The following PCDHA6 variants were observed in gnomAD, a reference collection of about 807,000 sequenced individuals.
PCDHA6 encodes the protein protocadherin alpha-6.
Under a neutral mutation model 60.3 loss-of-function variants are expected in PCDHA6, and 55 were observed. The ratio of observed to expected loss-of-function variants is 0.91; its 90% confidence interval spans 0.73 to 1.14. The LOEUF (loss-of-function observed/expected upper bound fraction) is 1.14. PCDHA6 is among the 50% of genes most tolerant of loss of function. The pLI is 0.00. For missense variants in PCDHA6, 1,327 were observed against 1,256.5 expected (o/e 1.06, Z -0.85); for synonymous variants, 652 against 557.9 (o/e 1.17, Z -2.38).
intron 1 of PCDHA6, chr5:140,843,329 G>T: frequency 6.3e-7 from 1 of 1,596,060 alleles, no homozygotes; most frequent in Non-Finnish European, 8.6e-7. Context: ...GGTGTCGCTG[G>T]TGGAGAGCGG....
chr5:140,967,935 A>G (rs186453952), intron 1 of PCDHA6: 13 of 1,614,214 alleles, frequency 8.1e-6, no homozygotes, highest in South Asian at 4.4e-5. Flanking sequence ...CTCAGTGTCA[A>G]TGACCAAGAC....
intron 1 of PCDHA6, chr5:140,966,947 G>A (rs782439197): frequency 6.2e-7 from 1 of 1,603,520 alleles, no homozygotes; most frequent in Middle Eastern, 1.7e-4. Context: ...CGTGGGCAAC[G>A]TGGCTCGCGC....
intron 1 of PCDHA6, chr5:140,842,474 G>C: frequency 6.2e-7 from 1 of 1,613,946 alleles, no homozygotes; most frequent in Middle Eastern, 1.6e-4. Flanking sequence ...CAACGGGCAG[G>C]TGACCTGCTC....
chr5:140,901,270 C>T (rs2068553355), intron 1 of PCDHA6, among the ~76,000 whole-genome samples: 2 of 152,246 alleles, frequency 1.3e-5, no homozygotes, highest in South Asian at 4.1e-4. Flanking sequence ...TGGGGTATTA[C>T]TCAAGAAATT....
intron 1 of PCDHA6, chr5:140,836,533 T>A (rs1554136046): frequency 6.2e-7 from 1 of 1,613,734 alleles, no homozygotes; most frequent in Non-Finnish European, 8.5e-7. Flanking sequence ...ACCCTGCTGC[T>A]GTACACGGCG....
In PCDHA6 at chr5:140,996,798, A is replaced by G. The variant is rs528740592; in HGVS notation, c.2543-12829A>G. Among the ~76,000 whole-genome samples, 4 of 152,268 alleles carry G rather than the reference A, an allele frequency of 2.6e-5. No individual in the cohort carries two copies. In the East Asian group the frequency reaches 5.8e-4, roughly 22 times the overall value. ...AGTAGTGCCTCACTCCCTACATCCA[A>G]TCATGCTTTCCAAAAGTAACCACTA... On this transcript the variant is annotated intron_variant, in intron 3 of 3. Coordinates refer to ENST00000529310, the MANE Select transcript of PCDHA6 (RefSeq NM_018909.4).
chr5:141,008,299 C>G (rs1223779122), intron 3 of PCDHA6, among the ~76,000 whole-genome samples: 9 of 152,238 alleles, frequency 5.9e-5, no homozygotes, highest in Non-Finnish European at 1.2e-4. Context: ...TGTACCCAAC[C>G]CTAAACTGTA....
At chr5:140,857,569 G>T (rs1554150250) in intron 1 of PCDHA6, 3 of 1,596,900 alleles carry the variant, frequency 1.9e-6, no homozygotes, top group South Asian at 1.1e-5. Context: ...CGAGCTACGT[G>T]TCGGTGCACG....
At chr5:140,857,006 G>A (rs1365266931) in intron 1 of PCDHA6, 2 of 1,595,206 alleles carry the variant, frequency 1.3e-6, no homozygotes, top group East Asian at 2.2e-5. Flanking sequence ...AATTCATGTA[G>A]ATGTTACAGA....
intron 1 of PCDHA6, chr5:140,851,862 A>G: frequency 2.0e-6 from 2 of 976,238 alleles, no homozygotes; most frequent in Non-Finnish European, 2.5e-6. Context: ...CAGCTCATAC[A>G]TAACACAAGG....
At position 141,010,305 on chromosome 5, in the gene PCDHA6, G is replaced by GT; in HGVS notation, c.*372dup. 1 of 1,548,478 alleles carries GT rather than the reference G, an allele frequency of 6.5e-7. No homozygotes were observed. Among genetic ancestry groups the GT allele is most frequent in the Non-Finnish European group, 8.7e-7 (1 of 1,146,036 alleles). On this transcript the variant is annotated 3_prime_UTR_variant, in exon 4 of 4. Transcript: ENST00000529310. ...TGACACTTGCAGGGCAGGCTGAAAAGTTTTGAGATTGAGCAGCTTGGGAGT... is the reference window on the plus strand; with the variant it reads ...TGACACTTGCAGGGCAGGCTGAAAAGTTTTTGAGATTGAGCAGCTTGGGAGT...
intron 1 of PCDHA6, among the ~76,000 whole-genome samples, chr5:140,840,207 TA>T (rs1477576699): frequency 3.9e-5 from 6 of 151,970 alleles, no homozygotes; most frequent in African/African-American, 1.2e-4. Flanking sequence ...AAAGAAGTCA[TA>T]AAAATACATA....
chr5:140,976,486 G>C (rs782708902), intron 1 of PCDHA6, among the ~76,000 whole-genome samples: 1 of 152,078 alleles, frequency 6.6e-6, no homozygotes, highest in Non-Finnish European at 1.5e-5. Flanking sequence ...GGGAGGCAGA[G>C]GTTGCAGGGA....
rs2150165566 is a variant in PCDHA6 at position 140,829,300 on chromosome 5, T to C, written c.1209T>C (p.Asn403=). The C allele has an allele frequency of 6.2e-7, 1 of 1,614,244 alleles. No homozygotes were observed. The highest frequency in any genetic ancestry group is 8.5e-7 in the Non-Finnish European group (1 of 1,180,034). The change falls in exon 1 of 4, where the codon AAT becomes AAC. Residue 403 remains asparagine, a synonymous_variant. Coordinates refer to ENST00000529310, the MANE Select transcript of PCDHA6 (RefSeq NM_018909.4). ...TCAAGCTGGTGTCCACCTTCAAGAA[T>C]TACTACTCGTTGGTGCTGGACAGTG... The part of the protein sequence containing the change: ...VPFKLVSTFK[N]YYSLVLDSAL...
At chr5:140,876,360 T>C in intron 1 of PCDHA6, 1 of 1,613,962 alleles carries the variant, frequency 6.2e-7, no homozygotes, top group Non-Finnish European at 8.5e-7. Context: ...TTTCAATAAA[T>C]CCAGACACAG....
At chr5:140,941,286 CTCTTTCTT>C (rs5871754) in intron 1 of PCDHA6, among the ~76,000 whole-genome samples, 8 of 106,846 alleles carry the variant, frequency 7.5e-5, no homozygotes, top group East Asian at 5.2e-4. Context: ...TCCTTCCTTT[CTCTTTCTT>C]TCTTTCTTTC....
intron 1 of PCDHA6, chr5:140,927,691 G>C (rs782046420): frequency 6.2e-7 from 1 of 1,614,072 alleles, no homozygotes; most frequent in African/African-American, 1.3e-5. Flanking sequence ...GTCCAATGGG[G>C]AAGTCCAGTA....
rs146722772 is a variant in PCDHA6, at chr5:140,848,558, C to T, written c.2394+18073C>T. ...CTCTACTGCTCTCGCTTCTGATCCTCGCAATGTGGGTGGTGGGGAGCGGCC... is the reference window on the plus strand; with the variant it reads ...CTCTACTGCTCTCGCTTCTGATCCTTGCAATGTGGGTGGTGGGGAGCGGCC... On this transcript the variant is annotated intron_variant, in intron 1 of 3. Coordinates refer to ENST00000529310, the MANE Select transcript of PCDHA6 (RefSeq NM_018909.4). 8.8e-6 allele frequency: 14 copies of T among 1,595,498 alleles called. 1 individual carries two copies. In the African/African-American group the frequency reaches 1.6e-4, roughly 18 times the overall value.
At chr5:140,970,554 G>A (rs72802985) in intron 1 of PCDHA6, among the ~76,000 whole-genome samples, 7,177 of 152,136 alleles carry the variant, frequency 0.047, 194 homozygotes, top group Non-Finnish European at 0.062. Context: ...TTGTGTGTTC[G>A]TCTCCATATG....
Sources: allele counts gnomAD v4.1 joint callset (sites outside exome capture counted in the v4.1 genomes callset), GRCh38; gene constraint gnomAD v4.1.1; transcripts MANE v1.5; gene names NCBI Gene and HGNC (gene_info 2026-07-23, HGNC 2026-07-21).